FAM222A: variants seen among roughly 807,000 people sequenced by gnomAD.
FAM222A encodes family with sequence similarity 222 member A, also known as protein FAM222A.
FAM222A carries 7 observed loss-of-function variants against 25.8 expected under a neutral mutation model. The observed-to-expected ratio is 0.27, with a 90% confidence interval of 0.15 to 0.51. The LOEUF is 0.51. Ranked by LOEUF, FAM222A falls within the 20% of genes least tolerant of loss-of-function variation. The probability of loss-of-function intolerance (pLI) is 0.97; values close to 1 mark genes in which losing one functional copy is unlikely to be tolerated. For synonymous variants in FAM222A, 294 were observed against 298.8 expected (o/e 0.98, Z 0.17); for missense variants, 573 against 640.5 (o/e 0.89, Z 1.14).
chr12:109,719,496 T>C (rs1887709371), intron 1 of FAM222A, among the ~76,000 whole-genome samples: 1 of 152,186 alleles, frequency 6.6e-6, no homozygotes, highest in Non-Finnish European at 1.5e-5. Context: ...AGAAATCAGA[T>C]GGCCCACAGC....
At chr12:109,759,316 C>T (rs982103583) in intron 2 of FAM222A, among the ~76,000 whole-genome samples, 21 of 152,106 alleles carry the variant, frequency 1.4e-4, no homozygotes, top group African/African-American at 4.8e-4. Flanking sequence ...CTGCCTGGCT[C>T]ACTCTGCGGT....
At chr12:109,747,666 G>A (rs1408844018) in intron 2 of FAM222A, among the ~76,000 whole-genome samples, 1 of 136,938 alleles carries the variant, frequency 7.3e-6, no homozygotes, top group East Asian at 2.1e-4. Flanking sequence ...CATTTGCCTG[G>A]TTGAAATCTT....
At chr12:109,767,605 A>G (rs1047502010) in intron 2 of FAM222A, among the ~76,000 whole-genome samples, 2 of 152,222 alleles carry the variant, frequency 1.3e-5, no homozygotes, top group African/African-American at 2.4e-5. Context: ...TGACTCTCAC[A>G]TAGTATGAAG....
At chr12:109,762,760 C>T (rs1888935891) in intron 2 of FAM222A, among the ~76,000 whole-genome samples, 1 of 152,152 alleles carries the variant, frequency 6.6e-6, no homozygotes, top group African/African-American at 2.4e-5. Flanking sequence ...GTTTGAGGCA[C>T]CCATGGGTGA....
chr12:109,741,668 G>A (rs1268037447), intron 1 of FAM222A, among the ~76,000 whole-genome samples: 1 of 152,216 alleles, frequency 6.6e-6, no homozygotes, highest in African/African-American at 2.4e-5. Flanking sequence ...AGATAGGGCC[G>A]GGCATGGCCA....
At chr12:109,730,756 C>G (rs1887932500) in intron 1 of FAM222A, among the ~76,000 whole-genome samples, 1 of 152,200 alleles carries the variant, frequency 6.6e-6, no homozygotes, top group Non-Finnish European at 1.5e-5. Context: ...AGCATCCCCT[C>G]TCACTCTCAA....
chr12:109,744,004 T>C, intron 1 of FAM222A, 97 bp from the exon 2 acceptor site: 1 of 1,431,850 alleles, frequency 7.0e-7, no homozygotes, highest in Non-Finnish European at 9.1e-7. Flanking sequence ...GAGTCTCTGA[T>C]GTTCTTCGGG....
intron 1 of FAM222A, among the ~76,000 whole-genome samples, chr12:109,728,444 C>T (rs754940230): frequency 6.6e-6 from 1 of 152,180 alleles, no homozygotes; most frequent in Non-Finnish European, 1.5e-5. Context: ...ACTATAGACA[C>T]GGAGTCCCTT....
At chr12:109,723,767 T>G (rs1214847392) in intron 1 of FAM222A, among the ~76,000 whole-genome samples, 1 of 152,162 alleles carries the variant, frequency 6.6e-6, no homozygotes, top group Non-Finnish European at 1.5e-5. Context: ...CCTCCGCCCC[T>G]CCTCCTGAAT....
intron 1 of FAM222A, among the ~76,000 whole-genome samples, chr12:109,732,878 A>G (rs1566186943): frequency 6.6e-6 from 1 of 152,264 alleles, no homozygotes; most frequent in Non-Finnish European, 1.5e-5. Context: ...CTGAGTGCCT[A>G]CTGTGTGCCC....
At chr12:109,725,470 C>T (rs1365713055) in intron 1 of FAM222A, among the ~76,000 whole-genome samples, 1 of 150,502 alleles carries the variant, frequency 6.6e-6, no homozygotes, top group East Asian at 1.9e-4. Context: ...CTGTGGGTTC[C>T]CTATGCGCCT....
chr12:109,734,698 C>T (rs988868149), intron 1 of FAM222A: 5 of 152,052 alleles, frequency 3.3e-5, no homozygotes, highest in Admixed American at 2.6e-4. Context: ...AGGAAAATTC[C>T]CCAGTTAACC....
At chr12:109,743,996 G>A in intron 1 of FAM222A, 105 bp from the exon 2 acceptor site, 2 of 1,427,328 alleles carry the variant, frequency 1.4e-6, no homozygotes, top group Non-Finnish European at 1.8e-6. Context: ...TGCTTTGAGA[G>A]TCTCTGATGT....
At chr12:109,734,084 A>G (rs1025172736) in intron 1 of FAM222A, 1 of 152,100 alleles carries the variant, frequency 6.6e-6, no homozygotes, top group Non-Finnish European at 1.5e-5. Context: ...GGTGGTGCAC[A>G]ACTGTAGTCC....
chr12:109,728,989 G>C (rs1051816006), intron 1 of FAM222A, among the ~76,000 whole-genome samples: 2 of 144,200 alleles, frequency 1.4e-5, no homozygotes, highest in Non-Finnish European at 3.1e-5. Context: ...AAAAAAAGAG[G>C]CTCAGACAGC....
intron 1 of FAM222A, among the ~76,000 whole-genome samples, chr12:109,723,939 A>AT (rs1468698476): frequency 6.6e-6 from 1 of 152,136 alleles, no homozygotes; most frequent in East Asian, 1.9e-4. Flanking sequence ...AAAGAGAAAA[A>AT]AAAATCCCCT....
intron 1 of FAM222A, among the ~76,000 whole-genome samples, chr12:109,733,908 G>C (rs1888009479): frequency 6.6e-6 from 1 of 152,098 alleles, no homozygotes; most frequent in Admixed American, 6.5e-5. Context: ...GTCCTTCAAG[G>C]ATATTGTTAG....
chr12:109,758,800 G>A (rs1054511867), intron 2 of FAM222A, among the ~76,000 whole-genome samples: 5 of 152,170 alleles, frequency 3.3e-5, no homozygotes, highest in Non-Finnish European at 5.9e-5. Flanking sequence ...CTGGCGAGCT[G>A]GGGCCAGGCC....
intron 1 of FAM222A, among the ~76,000 whole-genome samples, chr12:109,730,432 A>G (rs1592781060): frequency 6.7e-6 from 1 of 149,754 alleles, no homozygotes; most frequent in Non-Finnish European, 1.5e-5. Context: ...TCCAGCCCAC[A>G]CCATTCATTT....
Sources: allele counts gnomAD v4.1 joint callset (sites outside exome capture counted in the v4.1 genomes callset), GRCh38; gene constraint gnomAD v4.1.1; transcripts MANE v1.5; gene names NCBI Gene and HGNC (gene_info 2026-07-23, HGNC 2026-07-21).